MAGI2: variants seen among roughly 807,000 people sequenced by gnomAD.
MAGI2 encodes the protein membrane associated guanylate kinase, WW and PDZ domain containing 2, also known as membrane-associated guanylate kinase, WW and PDZ domain-containing protein 2.
MAGI2 carries 35 observed loss-of-function variants against 133.3 expected under a neutral mutation model. That is an observed-to-expected ratio of 0.26 (90% CI 0.20 to 0.35). The LOEUF (loss-of-function observed/expected upper bound fraction) is 0.35, where lower values mean the gene tolerates loss of function less well. Ranked by LOEUF, MAGI2 falls within the 10% of genes least tolerant of loss-of-function variation. The pLI, the probability that MAGI2 is intolerant of heterozygous loss-of-function variation, is 1.00. For missense variants in MAGI2, 1,636 were observed against 1,863.4 expected (o/e 0.88, Z 2.25); for synonymous variants, 729 against 710.6 (o/e 1.03, Z -0.41).
At chr7:78,455,116 C>T (rs753714935) in intron 6 of MAGI2, among the ~76,000 whole-genome samples, 1 of 151,922 alleles carries the variant, frequency 6.6e-6, no homozygotes, top group Admixed American at 6.6e-5. Flanking sequence ...ACAAATATAC[C>T]ACATTAATGC....
intron 6 of MAGI2, among the ~76,000 whole-genome samples, chr7:78,386,625 A>T (rs1263779036): frequency 1.3e-5 from 2 of 152,202 alleles, no homozygotes; most frequent in Non-Finnish European, 2.9e-5. Flanking sequence ...CATACATGCC[A>T]AGCTTTCAGG....
chr7:79,175,194 T>C (rs1412000310), intron 1 of MAGI2, among the ~76,000 whole-genome samples: 1 of 151,986 alleles, frequency 6.6e-6, no homozygotes, highest in African/African-American at 2.4e-5. Context: ...CAAAATTTTA[T>C]ATATGTCCAA....
chr7:79,283,670 TC>T (rs1174734129), intron 1 of MAGI2, among the ~76,000 whole-genome samples: 3 of 152,110 alleles, frequency 2.0e-5, no homozygotes, highest in Admixed American at 2.0e-4. Flanking sequence ...ATTTCTTTGT[TC>T]TTAAACATAT....
intron 6 of MAGI2, among the ~76,000 whole-genome samples, chr7:78,395,628 C>G (rs1796278677): frequency 6.6e-6 from 1 of 152,180 alleles, no homozygotes; most frequent in Non-Finnish European, 1.5e-5. Context: ...GATATTATCA[C>G]AGTTTACTTA....
chr7:79,070,904 A>G (rs895284188), intron 1 of MAGI2, among the ~76,000 whole-genome samples: 2 of 152,176 alleles, frequency 1.3e-5, no homozygotes, highest in African/African-American at 2.4e-5. Flanking sequence ...CCTCTAGCTC[A>G]GAAGAGTTTG....
intron 1 of MAGI2, among the ~76,000 whole-genome samples, chr7:79,178,906 T>C (rs1162771084): frequency 6.6e-6 from 1 of 151,992 alleles, no homozygotes; most frequent in Non-Finnish European, 1.5e-5. Context: ...TCTTTTTTAT[T>C]ATACTACTAA....
At chr7:78,097,811 A>G (rs1817848388) in intron 20 of MAGI2, among the ~76,000 whole-genome samples, 1 of 151,868 alleles carries the variant, frequency 6.6e-6, no homozygotes, top group African/African-American at 2.4e-5. Context: ...GCCCAAACCT[A>G]AAATAAAAGA....
chr7:78,725,728 G>A (rs1020095901), intron 2 of MAGI2, among the ~76,000 whole-genome samples: 1 of 152,238 alleles, frequency 6.6e-6, no homozygotes. Flanking sequence ...GAACCTGGGA[G>A]GTGGAGCTTG....
At chr7:78,068,000 G>T (rs1814022910) in intron 21 of MAGI2, among the ~76,000 whole-genome samples, 1 of 152,186 alleles carries the variant, frequency 6.6e-6, no homozygotes, top group South Asian at 2.1e-4. Context: ...TACAAAGGTG[G>T]ACACGTCATT....
intron 14 of MAGI2, among the ~76,000 whole-genome samples, chr7:78,176,769 G>A (rs1192821837): frequency 6.6e-6 from 1 of 151,956 alleles, no homozygotes; most frequent in Non-Finnish European, 1.5e-5. Context: ...GATTGATTGA[G>A]TCCAGGAAGT....
chr7:78,088,204 T>G (rs1816830461), intron 20 of MAGI2, among the ~76,000 whole-genome samples: 1 of 152,262 alleles, frequency 6.6e-6, no homozygotes, highest in Non-Finnish European at 1.5e-5. Context: ...CAGATACATT[T>G]ATTTTCTGGA....
At chr7:78,898,106 C>T (rs947195759) in intron 2 of MAGI2, among the ~76,000 whole-genome samples, 3 of 152,106 alleles carry the variant, frequency 2.0e-5, no homozygotes, top group African/African-American at 7.2e-5. Flanking sequence ...CTGATCATTA[C>T]AAAAATGCAA....
intron 1 of MAGI2, among the ~76,000 whole-genome samples, chr7:79,183,797 T>C (rs1386730313): frequency 2.0e-5 from 3 of 151,938 alleles, no homozygotes; most frequent in Non-Finnish European, 4.4e-5. Flanking sequence ...GGAAATAGTA[T>C]TCAGCCTTTA....
intron 2 of MAGI2, among the ~76,000 whole-genome samples, chr7:78,942,816 A>C (rs1255277614): frequency 6.6e-6 from 1 of 152,028 alleles, no homozygotes; most frequent in African/African-American, 2.4e-5. Flanking sequence ...CTATAAGCTC[A>C]TGAAAGAAGG....
At chr7:78,539,075 G>C (rs1798198389) in intron 3 of MAGI2, among the ~76,000 whole-genome samples, 1 of 152,140 alleles carries the variant, frequency 6.6e-6, no homozygotes, top group Non-Finnish European at 1.5e-5. Context: ...TGGAGAAAGT[G>C]GACATCCTTG....
intron 1 of MAGI2, among the ~76,000 whole-genome samples, chr7:79,039,542 T>A (rs6962482): frequency 0.5 from 75,131 of 151,620 alleles, 21,317 homozygotes; most frequent in African/African-American, 0.79. Context: ...TCTGTATAGC[T>A]AGGGAAACAA....
intron 2 of MAGI2, among the ~76,000 whole-genome samples, chr7:78,810,854 A>T (rs1180548929): frequency 6.6e-6 from 1 of 152,092 alleles, no homozygotes; most frequent in East Asian, 1.9e-4. Flanking sequence ...TTTCTTAATA[A>T]ATTATAGACA....
chr7:78,020,742 G>A (rs926318627), intron 21 of MAGI2, among the ~76,000 whole-genome samples: 2 of 152,152 alleles, frequency 1.3e-5, no homozygotes, highest in South Asian at 2.1e-4. Context: ...TTCTCAACCA[G>A]TAGGTGTCAC....
intron 1 of MAGI2, among the ~76,000 whole-genome samples, chr7:79,227,485 A>T (rs1024650990): frequency 6.6e-6 from 1 of 152,218 alleles, no homozygotes; most frequent in Non-Finnish European, 1.5e-5. Flanking sequence ...TATATAGTTA[A>T]CAGTATTCAA....
Sources: gnomAD v4.1 joint callset for allele counts (sites outside exome capture counted in the v4.1 genomes callset) on GRCh38, gnomAD v4.1.1 for gene constraint, MANE v1.5 for transcripts, NCBI Gene and HGNC (gene_info 2026-07-23, HGNC 2026-07-21) for gene names.